The following KIF24 variants were observed in gnomAD, a reference collection of about 807,000 sequenced individuals.
KIF24 encodes kinesin-like protein KIF24.
Under a neutral mutation model 118.9 loss-of-function variants are expected in KIF24, and 81 were observed. That is an observed-to-expected ratio of 0.68 (90% CI 0.57 to 0.82). KIF24 has a LOEUF of 0.82. Ranked by LOEUF, KIF24 falls within the 40% of genes least tolerant of loss-of-function variation. KIF24 has a pLI of 0.00. For missense variants in KIF24, 1,560 were observed against 1,661.6 expected, an observed-to-expected ratio of 0.94 and a Z score of 1.06; for synonymous variants, 599 against 610.0, an observed-to-expected ratio of 0.98 and a Z score of 0.27.
intron 4 of KIF24, among the ~76,000 whole-genome samples, chr9:34,295,553 C>G (rs1836434529): frequency 6.6e-6 from 1 of 152,152 alleles, no homozygotes; most frequent in Non-Finnish European, 1.5e-5. Context: ...TGGCAGGCAC[C>G]TGCAGTCCCA....
At chr9:34,261,515 T>G (rs1835055697) in intron 9 of KIF24, among the ~76,000 whole-genome samples, 1 of 152,178 alleles carries the variant, frequency 6.6e-6, no homozygotes, top group Non-Finnish European at 1.5e-5. Flanking sequence ...TTGTGTAGTG[T>G]TTTTTTCCAT....
intron 2 of KIF24, among the ~76,000 whole-genome samples, chr9:34,309,994 A>G (rs950548): frequency 6.7e-6 from 1 of 150,346 alleles, no homozygotes; most frequent in Non-Finnish European, 1.5e-5. Context: ...TACAAGATTA[A>G]AAGAACATAT....
intron 1 of KIF24, among the ~76,000 whole-genome samples, chr9:34,320,000 TA>T (rs1837462074): frequency 6.6e-6 from 1 of 152,224 alleles, no homozygotes; most frequent in Non-Finnish European, 1.5e-5. Flanking sequence ...CAAATGGAGC[TA>T]GGGGGGTCAG....
chr9:34,295,195 A>ATG (rs1563952537), intron 4 of KIF24, among the ~76,000 whole-genome samples: 10 of 29,560 alleles, frequency 3.4e-4, no homozygotes, highest in Non-Finnish European at 9.5e-4. Context: ...ATGGATGGAT[A>ATG]GACAGACAGA....
intron 1 of KIF24, among the ~76,000 whole-genome samples, chr9:34,322,850 C>T (rs375443216): frequency 1.8e-4 from 27 of 152,108 alleles, no homozygotes; most frequent in Middle Eastern, 3.4e-3. Flanking sequence ...AGTGAGACTC[C>T]GTCTCCAAAA....
chr9:34,331,645 T>A (rs1406638583), upstream of KIF24, among the ~76,000 whole-genome samples: 3 of 152,192 alleles, frequency 2.0e-5, no homozygotes, highest in South Asian at 6.2e-4. Flanking sequence ...ATTTTCACCG[T>A]GGTCTTGGTA....
Position 34,306,324 on chromosome 9 carries a change from A to G in KIF24, c.741T>C (p.Thr247=), listed in dbSNP as rs1381493600. ...EVRRGEINII[T]VEDKETLLVH... Reference sequence around the variant, plus strand: ...CAAGTAGAGTTTCTTTGTCTTCTACAGTAATAATATTAATTTCTCCACGAC... The same window carrying G: ...CAAGTAGAGTTTCTTTGTCTTCTACGGTAATAATATTAATTTCTCCACGAC... Residue 247 remains threonine, a synonymous_variant, in exon 3 of 13, where the codon ACT becomes ACC. Coordinates refer to ENST00000402558, the MANE Select transcript of KIF24 (RefSeq NM_194313.4). The G allele has an allele frequency of 1.2e-6, 2 of 1,610,174 alleles. No homozygotes were observed. The highest frequency in any genetic ancestry group is 8.5e-7 in the Non-Finnish European group (1 of 1,176,532).
chr9:34,327,875 G>A (rs1837727925), intron 1 of KIF24, among the ~76,000 whole-genome samples: 2 of 151,284 alleles, frequency 1.3e-5, no homozygotes, highest in African/African-American at 4.8e-5. Flanking sequence ...GGGACTAAAT[G>A]ACTTGCAAAG....
intron 6 of KIF24, among the ~76,000 whole-genome samples, chr9:34,280,403 T>TAGAAA (rs1225544441): frequency 6.6e-6 from 1 of 151,890 alleles, no homozygotes; most frequent in Non-Finnish European, 1.5e-5. Context: ...TGAAGAGTCT[T>TAGAAA]CTTCTGAGTG....
At chr9:34,291,296 C>G (rs1406207444) in intron 4 of KIF24, among the ~76,000 whole-genome samples, 2 of 152,096 alleles carry the variant, frequency 1.3e-5, no homozygotes, top group East Asian at 1.9e-4. Flanking sequence ...ATAGCGTGAA[C>G]AGAGGCCACA....
At chr9:34,285,865 G>T (rs1836028770) in intron 6 of KIF24, among the ~76,000 whole-genome samples, 1 of 148,974 alleles carries the variant, frequency 6.7e-6, no homozygotes, top group African/African-American at 2.5e-5. Flanking sequence ...GAAGTGGGAG[G>T]CTGCGGTGAG....
In KIF24 at chr9:34,254,277, G is replaced by A; in HGVS notation, c.*103C>T. On this transcript the variant is annotated 3_prime_UTR_variant, in exon 13 of 13. Coordinates refer to ENST00000402558, the MANE Select transcript of KIF24 (RefSeq NM_194313.4). ...GCTAGCATAGGCAGGACCAGCGTGTGGGTTCTGGTGTGTGCAGGGAGGACC... is the reference window on the plus strand; with the variant it reads ...GCTAGCATAGGCAGGACCAGCGTGTAGGTTCTGGTGTGTGCAGGGAGGACC... The A allele has an allele frequency of 7.8e-7, 1 of 1,288,568 alleles. No homozygotes were observed. The highest frequency in any genetic ancestry group is 1.6e-5 in the South Asian group (1 of 62,708). The allele number at this position is 1,288,568 out of a possible 1,614,324, so 79.8% of individuals were successfully genotyped here.
At chr9:34,308,846 G>C (rs1265448227) in intron 2 of KIF24, among the ~76,000 whole-genome samples, 1 of 152,078 alleles carries the variant, frequency 6.6e-6, no homozygotes, top group African/African-American at 2.4e-5. Flanking sequence ...TTGGGAAGCT[G>C]AGGTGGGAGG....
rs55830511 is a variant in KIF24, at chr9:34,272,609, T to C, written c.1216-679A>G. Among the ~76,000 whole-genome samples the C allele has an allele frequency of 4.1e-3, 618 of 152,268 alleles. 3 individuals are homozygous for C. The highest frequency in any genetic ancestry group is 0.014 in the African/African-American group (576 of 41,538). On this transcript the variant is annotated intron_variant, in intron 6 of 12. Transcript: ENST00000402558. ...GGACAGGGGTATGAGTGTTAGTTACTGAGAATAAAAAAGGCAAAACAAAAT... is the reference window on the plus strand; with the variant it reads ...GGACAGGGGTATGAGTGTTAGTTACCGAGAATAAAAAAGGCAAAACAAAAT...
Position 34,327,417 on chromosome 9 carries a change from G to T in KIF24, c.-26+1689C>A, listed in dbSNP as rs778795759. Among the ~76,000 whole-genome samples, 8 of 152,146 alleles carry T rather than the reference G, an allele frequency of 5.3e-5. No individual in the cohort carries two copies. The South Asian group carries it at 1.0e-3, about 20-fold the overall frequency. ...AACTGAGAGGCTCATACCTTAGGTT[G>T]CCCCAAGGACACACTCTGAATAACT... On this transcript the variant is annotated intron_variant, in intron 1 of 12. Coordinates refer to ENST00000402558, the MANE Select transcript of KIF24 (RefSeq NM_194313.4).
At chr9:34,320,614 C>T (rs1837485884) in intron 1 of KIF24, among the ~76,000 whole-genome samples, 1 of 131,552 alleles carries the variant, frequency 7.6e-6, no homozygotes, top group Non-Finnish European at 1.5e-5. Context: ...GCCAAGATTG[C>T]ACCACTGCAC....
intron 1 of KIF24, among the ~76,000 whole-genome samples, chr9:34,312,155 A>G (rs572754242): frequency 1.9e-4 from 29 of 152,364 alleles, no homozygotes; most frequent in African/African-American, 7.0e-4. Flanking sequence ...GACATCATCA[A>G]TTCAGCATCA....
In KIF24 at chr9:34,306,404, T is replaced by A; in HGVS notation, c.661A>T (p.Met221Leu). The A allele has an allele frequency of 6.2e-7, 1 of 1,611,564 alleles. No homozygotes were observed. Among genetic ancestry groups the A allele is most frequent in the Non-Finnish European group, 8.5e-7 (1 of 1,179,056 alleles). ...CGAACACAAACTCTGATTTTCTCCA[T>A]CTCAGTCCAAGGATTCTGTTTCTCT... is the stretch of plus-strand genomic sequence containing the variant. ...TSEKQNPWTE[M>L]EKIRVCVRKR... Residue 221 changes from methionine to leucine, a missense_variant, in exon 3 of 13, where the codon ATG becomes TTG. Met to Leu is a conservative substitution (Grantham distance 15). This residue lies in a region of KIF24 where 964 missense variants were observed against 988.0 expected (regional missense o/e 0.98). Coordinates refer to ENST00000402558, the MANE Select transcript of KIF24 (RefSeq NM_194313.4).
intron 3 of KIF24, among the ~76,000 whole-genome samples, chr9:34,303,278 T>C (rs1563956960): frequency 6.6e-6 from 1 of 152,188 alleles, no homozygotes; most frequent in East Asian, 1.9e-4. Context: ...AGAGTCTTGT[T>C]AAAACTTTAA....
Sources: allele counts gnomAD v4.1 joint callset (sites outside exome capture counted in the v4.1 genomes callset), GRCh38; gene constraint gnomAD v4.1.1; regional missense constraint gnomAD v4.1.1; transcripts MANE v1.5; gene names NCBI Gene and HGNC (gene_info 2026-07-23, HGNC 2026-07-21).